Variants in GANAB observed in about 807,000 individuals in gnomAD.
GANAB encodes the protein glucosidase II alpha subunit, also known as neutral alpha-glucosidase AB.
GANAB carries 35 observed loss-of-function variants against 129.9 expected under a neutral mutation model. The ratio of observed to expected loss-of-function variants is 0.27; its 90% CI spans 0.21 to 0.36. GANAB has a LOEUF of 0.36. GANAB is among the 10% of genes least tolerant of loss of function. The pLI is 1.00. For synonymous variants in GANAB, 482 were observed against 451.8 expected (o/e 1.07, Z -0.85); for missense variants, 939 against 1,221.0 (o/e 0.77, Z 3.44).
At position 62,625,362 on chromosome 11, in the gene GANAB, AAGGTGGG is replaced by A; in HGVS notation, c.*446_*452del. The A allele has an allele frequency of 2.2e-6, 1 of 448,060 alleles. No homozygotes were observed. The highest frequency in any genetic ancestry group is 4.5e-6 in the Non-Finnish European group (1 of 223,326). The allele number at this position is 448,060 out of a possible 1,614,324, so 27.8% of individuals were successfully genotyped here. ...GAGTAAAGCCTGGAGGAAGAAATGAAAGGTGGGAGAGCAATCTGGTGGGAGGGAAGGG... is the reference window on the plus strand; with the variant it reads ...GAGTAAAGCCTGGAGGAAGAAATGAAAGAGCAATCTGGTGGGAGGGAAGGG... On this transcript the variant is annotated 3_prime_UTR_variant, in exon 24 of 24. Coordinates refer to ENST00000356638, the MANE Select transcript of GANAB (RefSeq NM_198334.3).
At chr11:62,626,290 C>T (rs949762250) in intron 22 of GANAB, 45 bp downstream of exon 22, 2 of 1,404,742 alleles carry the variant, frequency 1.4e-6, no homozygotes, top group Admixed American at 3.3e-5. Flanking sequence ...CCACAAGGAT[C>T]AGGCCCCAGC....
At chr11:62,635,351 T>C (rs1372817054) in intron 4 of GANAB, among the ~76,000 whole-genome samples, 2 of 151,896 alleles carry the variant, frequency 1.3e-5, no homozygotes, top group East Asian at 3.9e-4. Flanking sequence ...ACCTGGCTAA[T>C]TTTGTATTTT....
rs759815795 is a variant in GANAB at position 62,626,429 on chromosome 11, G to C, written c.2530C>G (p.Leu844Val). The change falls in exon 22 of 24, where the codon CTC becomes GTC. Residue 844 changes from leucine (L) to valine (V), a missense_variant. This residue lies in a region of GANAB where 230 missense variants were observed against 259.9 expected (regional missense o/e 0.89). Transcript: ENST00000356638. Reference protein sequence around the residue: ...LSPQGTAQGELFLDDGHTFNY... With the variant: ...LSPQGTAQGEVFLDDGHTFNY... ...AACGTGTGCCCATCATCCAGAAAGA[G>C]CTCTCCTTGAGCTGTACCCTGAGCA... 6.2e-7 allele frequency: 1 copy of C among 1,611,950 alleles called. No homozygotes were observed.
At position 62,626,322 on chromosome 11, in the gene GANAB, G is replaced by A; in HGVS notation, c.2624+13C>T. 2 of 1,548,306 alleles carry A rather than the reference G, an allele frequency of 1.3e-6. No homozygotes were observed. The highest frequency in any genetic ancestry group is 2.2e-5 in the East Asian group (1 of 44,592). The stretch of plus-strand genomic sequence containing the variant: ...CAGCAAAGGCAGCCAAGGAAGAGTG[G>A]GTGACCCATTACCTGGAGACAAGGG... On this transcript the variant is annotated intron_variant, in intron 22 of 23. Transcript: ENST00000356638.
chr11:62,630,660 G>T lies in GANAB; in HGVS notation c.1327C>A (p.Pro443Thr). The T allele has an allele frequency of 6.2e-7, 1 of 1,614,210 alleles. No individual in the cohort carries two copies. Among genetic ancestry groups the T allele is most frequent in the Non-Finnish European group, 8.5e-7 (1 of 1,180,034 alleles). ...ADGKRYFTWD[P>T]SRFPQPRTML... ...GTGCGGGGCTGAGGGAAGCGACTGGGGTCCCAGGTGAAATACCGCTTGCCA... is the reference window on the plus strand; with the variant it reads ...GTGCGGGGCTGAGGGAAGCGACTGGTGTCCCAGGTGAAATACCGCTTGCCA... The change falls in exon 11 of 24, where the codon CCC becomes ACC. Residue 443 changes from proline (P) to threonine (T), a missense_variant. Pro to Thr is a conservative substitution (Grantham distance 38). Transcript: ENST00000356638.
chr11:62,630,561 C>T, intron 11 of GANAB, 40 bp downstream of exon 11: 10 of 1,613,072 alleles, frequency 6.2e-6, no homozygotes, highest in Non-Finnish European at 8.5e-6. Flanking sequence ...TATGCTTCAG[C>T]CCTACCCTGA....
At chr11:62,638,849 G>T in intron 4 of GANAB, 134 bp downstream of exon 4, 1 of 750,906 alleles carries the variant, frequency 1.3e-6, no homozygotes, top group Non-Finnish European at 2.2e-6. Flanking sequence ...GTGGGGAAAG[G>T]TTGAGGAGTA....
Position 62,639,115 on chromosome 11 carries a change from G to A in GANAB, c.253-5C>T, listed in dbSNP as rs780099701. 51 of 1,613,452 alleles carry A rather than the reference G, an allele frequency of 3.2e-5. No individual in the cohort carries two copies. Among genetic ancestry groups the A allele is most frequent in the Admixed American group, 6.7e-5 (4 of 59,910 alleles). On this transcript the variant is annotated splice_polypyrimidine_tract_variant and splice_region_variant and intron_variant, in intron 3 of 23. Transcript: ENST00000356638. ...AAGCTCTAGCACCAGCAACACCTGCGGGGACAGAGGTTTGGATCTGGAGAA... is the reference window on the plus strand; with the variant it reads ...AAGCTCTAGCACCAGCAACACCTGCAGGGACAGAGGTTTGGATCTGGAGAA...
chr11:62,626,549 G>T, intron 21 of GANAB, 22 bp downstream of exon 21: 1 of 1,531,984 alleles, frequency 6.5e-7, no homozygotes, highest in Non-Finnish European at 9.0e-7. Context: ...TGGCTGAGGA[G>T]ACTCGCTGCC....
intron 4 of GANAB, among the ~76,000 whole-genome samples, chr11:62,638,292 T>G (rs1236492654): frequency 6.6e-6 from 1 of 152,144 alleles, no homozygotes; most frequent in African/African-American, 2.4e-5. Context: ...TAGCTGGGAT[T>G]ACAGGTCCGC....
rs1377818603 is a variant in GANAB at position 62,629,748 on chromosome 11, C to T, written c.1738-64G>A. 10 of 1,606,180 alleles carry T rather than the reference C, an allele frequency of 6.2e-6. No individual in the cohort carries two copies. In the South Asian group the frequency reaches 9.9e-5, roughly 16 times the overall value. ...AGCCAGCTGTCATCTGGTGCAAGTT[C>T]CCTAGGCCCTCAGTCTCTGGGCTGT... On this transcript the variant is annotated intron_variant, in intron 14 of 23. Transcript: ENST00000356638.
chr11:62,642,066 G>A (rs1232129008), intron 1 of GANAB, among the ~76,000 whole-genome samples: 3 of 151,858 alleles, frequency 2.0e-5, no homozygotes, highest in Non-Finnish European at 4.4e-5. Flanking sequence ...ACAAAAATTA[G>A]CCAGGCATGG....
At position 62,625,173 on chromosome 11, in the gene GANAB, G is replaced by C. The variant is rs1355984441; in HGVS notation, c.*642C>G. On this transcript the variant is annotated 3_prime_UTR_variant, in exon 24 of 24. Transcript: ENST00000356638. The stretch of plus-strand genomic sequence containing the variant: ...TTTCTGCCGAGGGACAGAGGAGGTA[G>C]AACTGCCCCTCTAAGAATTGCAGCA... 2 of 453,998 alleles carry C rather than the reference G, an allele frequency of 4.4e-6. No homozygotes were observed. Among genetic ancestry groups the C allele is most frequent in the African/African-American group, 2.0e-5 (1 of 50,026 alleles). The allele number at this position is 453,998 out of a possible 1,614,324, so 28.1% of individuals were successfully genotyped here.
At chr11:62,632,197 C>T (rs891991440) in intron 9 of GANAB, among the ~76,000 whole-genome samples, 2 of 151,954 alleles carry the variant, frequency 1.3e-5, no homozygotes, top group Admixed American at 1.3e-4. Flanking sequence ...TGGTCTCCAA[C>T]TTCTGACCTC....
chr11:62,630,372 T>G lies in GANAB; in HGVS notation c.1513+7A>C. 6.2e-7 allele frequency: 1 copy of G among 1,614,176 alleles called. No individual in the cohort carries two copies. Among genetic ancestry groups the G allele is most frequent in the South Asian group, 1.1e-5 (1 of 91,086 alleles). Reference sequence around the variant, plus strand: ...ATCAACTCTCCCTCAATTCTGGGTCTGCTTACCTGGCCAGCACCAGCCCTC... The same window carrying G: ...ATCAACTCTCCCTCAATTCTGGGTCGGCTTACCTGGCCAGCACCAGCCCTC... On this transcript the variant is annotated splice_region_variant and intron_variant, in intron 12 of 23. Coordinates refer to ENST00000356638, the MANE Select transcript of GANAB (RefSeq NM_198334.3).
At chr11:62,636,889 T>C (rs189040404) in intron 4 of GANAB, among the ~76,000 whole-genome samples, 240 of 152,204 alleles carry the variant, frequency 1.6e-3, no homozygotes, top group African/African-American at 5.3e-3. Flanking sequence ...ATCGCACTAC[T>C]GCACTCAGCC....
intron 3 of GANAB, 58 bp from the exon 4 acceptor site, chr11:62,639,168 C>T: frequency 3.8e-6 from 6 of 1,590,308 alleles, no homozygotes; most frequent in Non-Finnish European, 5.2e-6. Context: ...ATGGAATGCT[C>T]TTTGAACCCA....
intron 16 of GANAB, 38 bp downstream of exon 16, chr11:62,629,156 C>G: frequency 1.3e-6 from 2 of 1,564,294 alleles, no homozygotes; most frequent in Non-Finnish European, 1.8e-6. Flanking sequence ...TTGCCCCTTT[C>G]CCACCAAACC....
chr11:62,627,369 G>A lies in GANAB; in HGVS notation c.2181-16C>T, dbSNP rs1225181852. On this transcript the variant is annotated splice_polypyrimidine_tract_variant and intron_variant, in intron 17 of 23. Coordinates refer to ENST00000356638, the MANE Select transcript of GANAB (RefSeq NM_198334.3). ...CCACAGGGGCCTAGGAAGGAAGAAA[G>A]ACAATAAAGGAAAACTTTTCAATTT... 1 of 1,441,344 alleles carries A rather than the reference G, an allele frequency of 6.9e-7. No homozygotes were observed. The highest frequency in any genetic ancestry group is 1.7e-5 in the Admixed American group (1 of 59,372). The allele number at this position is 1,441,344 out of a possible 1,614,324, so 89.3% of individuals were successfully genotyped here.
Sources: allele counts gnomAD v4.1 joint callset (sites outside exome capture counted in the v4.1 genomes callset), GRCh38; gene constraint gnomAD v4.1.1; regional missense constraint gnomAD v4.1.1; transcripts MANE v1.5; gene names NCBI Gene and HGNC (gene_info 2026-07-23, HGNC 2026-07-21).